Variants in CISTR observed in about 807,000 individuals in gnomAD.
CISTR encodes chondrogenesis-associated transcript, also known as chondrogenic regulator lncRNA.
downstream of CISTR, among the ~76,000 whole-genome samples, chr12:53,746,341 T>C (rs1937779901): frequency 6.6e-6 from 1 of 152,180 alleles, no homozygotes; most frequent in African/African-American, 2.4e-5. Context: ...GCTGTCTGGT[T>C]GTGGCCTGTA....
Position 53,751,548 on chromosome 12 carries a change from C to T in CISTR, n.415-583G>A, listed in dbSNP as rs1003419803. On this transcript the variant is annotated intron_variant and non_coding_transcript_variant, in intron 1 of 2. Transcript: ENST00000669269. This position sits in a 1 kb window ranked among gnomAD's most constrained non-coding sequence, Gnocchi z 4.6. ...CAAGCTAAACGAGGCGCGCAGGACT[C>T]CCTGGTGGGCCCTCAGCCTCCTCCG... Among the ~76,000 whole-genome samples, 3 of 152,174 alleles carry T rather than the reference C, an allele frequency of 2.0e-5. No individual in the cohort carries two copies. The highest frequency in any genetic ancestry group is 6.5e-5 in the Admixed American group (1 of 15,288).
chr12:53,749,549 CT>C (rs35197896), intron 2 of CISTR, among the ~76,000 whole-genome samples: 23 of 150,152 alleles, frequency 1.5e-4, no homozygotes, highest in Non-Finnish European at 2.8e-4. Flanking sequence ...TTCTTTCTTT[CT>C]TTTTTTTTAG....
Position 53,749,109 on chromosome 12 carries a change from G to C in CISTR, n.1063+1208C>G, listed in dbSNP as rs113710556. Among the ~76,000 whole-genome samples, 549 of 152,076 alleles carry C rather than the reference G, an allele frequency of 3.6e-3. 1 individual carries two copies. Among genetic ancestry groups the C allele is most frequent in the Middle Eastern group, 0.027 (8 of 294 alleles). On this transcript the variant is annotated intron_variant and non_coding_transcript_variant, in intron 2 of 2. Coordinates refer to ENST00000669269, the Ensembl canonical transcript of CISTR. ...GGACAGCTTGGAGCAGTTATGGTGG[G>C]GTGTAGGGGAGAGAACAGAAGAAAG...
chr12:53,752,555 A>T (rs1219508599), intron 1 of CISTR, among the ~76,000 whole-genome samples: 1 of 152,160 alleles, frequency 6.6e-6, no homozygotes, highest in East Asian at 1.9e-4. Context: ...CGAATGTAAC[A>T]TGCTTGGCAC....
At chr12:53,748,908 C>CT (rs1565658544) in intron 2 of CISTR, among the ~76,000 whole-genome samples, 2 of 152,094 alleles carry the variant, frequency 1.3e-5, no homozygotes, top group Admixed American at 6.5e-5. Context: ...GTTGAGGGCT[C>CT]TGCTGGCCTT....
chr12:53,755,030 G>A (rs1937900284), intron 1 of CISTR, among the ~76,000 whole-genome samples: 1 of 152,196 alleles, frequency 6.6e-6, no homozygotes, highest in African/African-American at 2.4e-5. Context: ...GAGGTGCAGA[G>A]AGGTTAAGAT....
At position 53,755,660 on chromosome 12, in the gene CISTR, G is replaced by A. The variant is rs543927275; in HGVS notation, n.414+1154C>T. Among the ~76,000 whole-genome samples, 39 of 152,268 alleles carry A rather than the reference G, an allele frequency of 2.6e-4. No homozygotes were observed. In the East Asian group the frequency reaches 7.4e-3, roughly 29 times the overall value. On this transcript the variant is annotated intron_variant and non_coding_transcript_variant, in intron 1 of 2. Coordinates refer to ENST00000669269, the Ensembl canonical transcript of CISTR. Reference sequence around the variant, plus strand: ...TCTTAAGTGTCCACAGGGGTGGGATGGACCTGGTGGGTTTTGCTCCCTGGT... The same window carrying A: ...TCTTAAGTGTCCACAGGGGTGGGATAGACCTGGTGGGTTTTGCTCCCTGGT...
chr12:53,753,964 T>C (rs1937887455), intron 1 of CISTR, among the ~76,000 whole-genome samples: 1 of 152,106 alleles, frequency 6.6e-6, no homozygotes, highest in South Asian at 2.1e-4. Context: ...GGCCCTGATA[T>C]GTCCTCGTGG....
rs1035958066 is a variant in CISTR at position 53,751,050 on chromosome 12, G to C, written n.415-85C>G. 2 of 152,606 alleles carry C rather than the reference G, an allele frequency of 1.3e-5. No homozygotes were observed. The highest frequency in any genetic ancestry group is 2.9e-5 in the Non-Finnish European group (2 of 68,238). The allele number at this position is 152,606 out of a possible 1,614,324, so 9.5% of individuals were successfully genotyped here. On this transcript the variant is annotated intron_variant and non_coding_transcript_variant, in intron 1 of 2. Coordinates refer to ENST00000669269, the Ensembl canonical transcript of CISTR. This position sits in a 1 kb window ranked among gnomAD's most constrained non-coding sequence, Gnocchi z 4.6. Reference sequence around the variant, plus strand: ...AAGGCACATGAGCAGCCAAAGGGACGGACACTCACACACACACACACGCAC... The same window carrying C: ...AAGGCACATGAGCAGCCAAAGGGACCGACACTCACACACACACACACGCAC...
At chr12:53,754,402 A>C (rs556268666) in intron 1 of CISTR, 1 of 152,272 alleles carries the variant, frequency 6.6e-6, no homozygotes, top group Non-Finnish European at 1.5e-5. Context: ...ATCTCTCTCT[A>C]TGCAATCAGG....
Position 53,751,632 on chromosome 12 carries a change from G to A in CISTR, n.415-667C>T, listed in dbSNP as rs2120735992. 1 of 152,314 alleles carries A rather than the reference G, an allele frequency of 6.6e-6. No homozygotes were observed. Among genetic ancestry groups the A allele is most frequent in the Admixed American group, 6.5e-5 (1 of 15,296 alleles). The allele number at this position is 152,314 out of a possible 1,614,324, so 9.4% of individuals were successfully genotyped here. On this transcript the variant is annotated intron_variant and non_coding_transcript_variant, in intron 1 of 2. Coordinates refer to ENST00000669269, the Ensembl canonical transcript of CISTR. The surrounding 1 kb of genome is among the most constrained non-coding windows in gnomAD (Gnocchi z 4.6). The stretch of plus-strand genomic sequence containing the variant: ...TCATGCCAGCGCCGAGCACTGGCTG[G>A]GCCGGGAGTGGGGTCGGGGGTGCGT...
At chr12:53,753,122 A>G (rs1353638251) in intron 1 of CISTR, among the ~76,000 whole-genome samples, 1 of 151,610 alleles carries the variant, frequency 6.6e-6, no homozygotes, top group Non-Finnish European at 1.5e-5. Flanking sequence ...TGAGATTTTT[A>G]AAGGAAAATT....
intron 1 of CISTR, among the ~76,000 whole-genome samples, chr12:53,753,682 G>GTGTA (rs1401902879): frequency 7.3e-5 from 11 of 149,968 alleles, no homozygotes; most frequent in Admixed American, 5.9e-4. Context: ...GTGTGTGTGT[G>GTGTA]TGTGTGTGTG....
At chr12:53,754,073 A>C (rs1937888870) in intron 1 of CISTR, among the ~76,000 whole-genome samples, 1 of 152,066 alleles carries the variant, frequency 6.6e-6, no homozygotes. Context: ...GGCCTCCAGA[A>C]GTCCCCAAAC....
intron 1 of CISTR, among the ~76,000 whole-genome samples, chr12:53,752,975 C>T (rs1289126863): frequency 1.3e-5 from 2 of 151,890 alleles, no homozygotes; most frequent in South Asian, 4.2e-4. Context: ...GAGTCCAGCT[C>T]CCCCAAGACT....
intron 1 of CISTR, among the ~76,000 whole-genome samples, chr12:53,755,361 G>T (rs1937903759): frequency 6.6e-6 from 1 of 150,622 alleles, no homozygotes; most frequent in African/African-American, 2.4e-5. Flanking sequence ...ATGTGTTGTT[G>T]GAGATTCTAT....
intron 2 of CISTR, among the ~76,000 whole-genome samples, chr12:53,748,693 C>T (rs559250004): frequency 6.6e-6 from 1 of 152,276 alleles, no homozygotes; most frequent in South Asian, 2.1e-4. Flanking sequence ...AGCCATGTAC[C>T]CCGAGCCAAA....
chr12:53,747,412 G>A (rs1937795403), intron 2 of CISTR, among the ~76,000 whole-genome samples: 1 of 152,206 alleles, frequency 6.6e-6, no homozygotes, highest in African/African-American at 2.4e-5. Context: ...GTGATTGCCT[G>A]TCTTTGGGGG....
intron 1 of CISTR, among the ~76,000 whole-genome samples, chr12:53,753,214 G>A (rs78471989): frequency 7.6e-4 from 116 of 152,270 alleles, no homozygotes; most frequent in Non-Finnish European, 1.4e-3. Flanking sequence ...CAGAATCAGC[G>A]AGTCGCACAC....
Sources: gnomAD v4.1 joint callset for allele counts (sites outside exome capture counted in the v4.1 genomes callset) on GRCh38, gnomAD v4.1.1 for gene constraint, Gnocchi (gnomAD v3.1) non-coding constraint, MANE v1.5 for transcripts, NCBI Gene and HGNC (gene_info 2026-07-23, HGNC 2026-07-21) for gene names.